TAFA2: variants seen among roughly 807,000 people sequenced by gnomAD.
TAFA2 encodes the protein chemokine-like protein TAFA-2.
Under a neutral mutation model 18.8 loss-of-function variants are expected in TAFA2, and 7 were observed. The observed-to-expected ratio is 0.37, with a 90% CI of 0.21 to 0.70. TAFA2 has a LOEUF of 0.70. Among genes scored for constraint, TAFA2 ranks in the 30% least tolerant of loss-of-function variants. TAFA2 has a pLI of 0.53. For synonymous variants in TAFA2, 60 were observed against 54.2 expected (o/e 1.11, Z -0.47); for missense variants, 122 against 158.1 (o/e 0.77, Z 1.23).
intron 4 of TAFA2, among the ~76,000 whole-genome samples, chr12:61,736,398 A>T (rs913436824): frequency 6.6e-6 from 1 of 151,968 alleles, no homozygotes; most frequent in Non-Finnish European, 1.5e-5. Flanking sequence ...TATTACTAAA[A>T]CTGAAAGTCA....
intron 1 of TAFA2, among the ~76,000 whole-genome samples, chr12:61,986,158 C>CCTT (rs1879807349): frequency 1.5e-5 from 1 of 65,838 alleles, no homozygotes; most frequent in Non-Finnish European, 2.9e-5. Flanking sequence ...CTAAGCTCTT[C>CCTT]TTTTTTTTTT....
chr12:62,093,417 G>T (rs1868804944), intron 1 of TAFA2, among the ~76,000 whole-genome samples: 1 of 152,002 alleles, frequency 6.6e-6, no homozygotes, highest in Non-Finnish European at 1.5e-5. Context: ...GTGCAGCACA[G>T]ACAAAATCTA....
intron 2 of TAFA2, among the ~76,000 whole-genome samples, chr12:61,841,168 T>A (rs982727053): frequency 6.6e-6 from 1 of 152,078 alleles, no homozygotes; most frequent in Non-Finnish European, 1.5e-5. Context: ...ATATCCACCA[T>A]GGACAATGTG....
upstream of TAFA2, among the ~76,000 whole-genome samples, chr12:62,195,381 C>T (rs1026678557): frequency 6.6e-6 from 1 of 152,194 alleles, no homozygotes; most frequent in Non-Finnish European, 1.5e-5. Flanking sequence ...CTTCTAGCAT[C>T]TAGAATGGTG....
intron 1 of TAFA2, among the ~76,000 whole-genome samples, chr12:61,906,782 T>C (rs545693540): frequency 4.3e-4 from 66 of 152,270 alleles, no homozygotes; most frequent in Non-Finnish European, 8.8e-4. Context: ...GAGGTGGTTA[T>C]CAGATGGAGA....
intron 2 of TAFA2, among the ~76,000 whole-genome samples, chr12:61,777,700 C>A (rs906438933): frequency 1.3e-5 from 2 of 151,244 alleles, no homozygotes; most frequent in Non-Finnish European, 3.0e-5. Flanking sequence ...CCTCTCGGTG[C>A]CTTAATTTTC....
intron 1 of TAFA2, among the ~76,000 whole-genome samples, chr12:61,975,506 A>G (rs867915843): frequency 2.8e-5 from 1 of 35,640 alleles, no homozygotes; most frequent in Non-Finnish European, 5.3e-5. Context: ...TTAAGGCTCA[A>G]TAATATTCGT....
chr12:61,791,929 C>A (rs990922351), intron 2 of TAFA2, among the ~76,000 whole-genome samples: 1 of 151,728 alleles, frequency 6.6e-6, no homozygotes, highest in Non-Finnish European at 1.5e-5. Context: ...ATGTTTCTTG[C>A]AGCACTATTC....
intron 1 of TAFA2, among the ~76,000 whole-genome samples, chr12:61,955,377 G>A (rs570493720): frequency 1.3e-5 from 2 of 151,466 alleles, no homozygotes; most frequent in African/African-American, 4.8e-5. Flanking sequence ...GCTGAGGAGG[G>A]CAGATTAAGA....
At chr12:61,994,646 C>T (rs1452088781) in intron 1 of TAFA2, among the ~76,000 whole-genome samples, 1 of 152,096 alleles carries the variant, frequency 6.6e-6, no homozygotes, top group Admixed American at 6.6e-5. Flanking sequence ...TGGTCAAAGT[C>T]ACCAATGATC....
At chr12:62,140,189 A>C (rs995715270) in intron 1 of TAFA2, 2 of 152,110 alleles carry the variant, frequency 1.3e-5, no homozygotes, top group African/African-American at 4.8e-5. Context: ...TGTGGGATTA[A>C]ATTTTTATCC....
intron 4 of TAFA2, among the ~76,000 whole-genome samples, chr12:61,737,515 G>T (rs1868323989): frequency 1.3e-5 from 2 of 151,484 alleles, no homozygotes; most frequent in South Asian, 4.2e-4. Flanking sequence ...AGAGCATGGG[G>T]TTAAGAACAT....
rs1184089604 is a variant in TAFA2, at chr12:61,960,305, C to T, written c.-1-92879G>A. The stretch of plus-strand genomic sequence containing the variant: ...CTTCTGTGCTCCAAGTTCACTCTTC[C>T]CACATCTATATTAAATGGCATCAAT... On this transcript the variant is annotated intron_variant, in intron 1 of 4. Transcript: ENST00000416284. 2.0e-5 allele frequency among the ~76,000 whole-genome samples: 3 copies of T among 151,850 alleles called. No individual in the cohort carries two copies. In the East Asian group the frequency reaches 5.8e-4, roughly 29 times the overall value.
At position 62,238,785 on chromosome 12, in the gene TAFA2, T is replaced by C. The variant is rs1317404945; in HGVS notation, c.-130+19978A>G. Among the ~76,000 whole-genome samples, 2 of 152,340 alleles carry C rather than the reference T, an allele frequency of 1.3e-5. 1 individual carries two copies. ...TAAACCTAATCTATAATGACTTGTA[T>C]TTACAAGTTATCAGCAGAACTACAG... On this transcript the variant is annotated intron_variant, in intron 1 of 5. Transcript: ENST00000551619.
intron 1 of TAFA2, among the ~76,000 whole-genome samples, chr12:62,024,154 T>A (rs1881238559): frequency 6.6e-6 from 1 of 152,124 alleles, no homozygotes; most frequent in South Asian, 2.1e-4. Context: ...CAAAATCTGG[T>A]ATTCAGGAAA....
intron 1 of TAFA2, among the ~76,000 whole-genome samples, chr12:62,243,519 T>C (rs1055921202): frequency 6.6e-6 from 1 of 152,202 alleles, no homozygotes; most frequent in Admixed American, 6.5e-5. Flanking sequence ...ATGGACTGAT[T>C]TTCTGTTTCA....
chr12:62,166,233 T>C (rs1280084318), intron 1 of TAFA2, among the ~76,000 whole-genome samples: 2 of 152,310 alleles, frequency 1.3e-5, no homozygotes, highest in South Asian at 2.1e-4. Flanking sequence ...TTCTCACCTA[T>C]AAGATTGGCA....
chr12:61,993,537 C>A (rs1381784779), intron 1 of TAFA2, among the ~76,000 whole-genome samples: 1 of 152,042 alleles, frequency 6.6e-6, no homozygotes, highest in Admixed American at 6.6e-5. Flanking sequence ...TGTAAAAGAA[C>A]ACAAGGTTCT....
intron 1 of TAFA2, among the ~76,000 whole-genome samples, chr12:62,178,249 A>C (rs1170626446): frequency 6.6e-6 from 1 of 152,188 alleles, no homozygotes; most frequent in East Asian, 1.9e-4. Flanking sequence ...GCAGTCAGCT[A>C]TGATTGTACC....
Sources: allele counts gnomAD v4.1 joint callset (sites outside exome capture counted in the v4.1 genomes callset), GRCh38; gene constraint gnomAD v4.1.1; transcripts MANE v1.5; gene names NCBI Gene and HGNC (gene_info 2026-07-23, HGNC 2026-07-21).